The following MTA3 variants were observed in gnomAD, a reference collection of about 807,000 sequenced individuals.
The protein encoded by MTA3 is metastasis-associated protein MTA3.
In MTA3, 34 loss-of-function variants were observed where a neutral mutation model predicts 83.5. That is an observed-to-expected ratio of 0.41 (90% CI 0.31 to 0.54). The LOEUF is 0.54. MTA3 is among the 20% of genes least tolerant of loss of function. The pLI is 0.33. For missense variants in MTA3, 761 were observed against 726.4 expected, an observed-to-expected ratio of 1.05 and a Z score of -0.55; for synonymous variants, 303 against 252.7, an observed-to-expected ratio of 1.20 and a Z score of -1.89.
intron 9 of MTA3, among the ~76,000 whole-genome samples, chr2:42,686,835 A>G (rs990565067): frequency 1.3e-5 from 2 of 150,494 alleles, no homozygotes; most frequent in Admixed American, 1.3e-4. Context: ...TCAAAAAAAA[A>G]GGGCTGGGCA....
intron 8 of MTA3, among the ~76,000 whole-genome samples, chr2:42,663,190 C>T (rs1689893407): frequency 6.6e-6 from 1 of 151,950 alleles, no homozygotes; most frequent in African/African-American, 2.4e-5. Context: ...GGATGTGGTC[C>T]CTGCTTGAGT....
At chr2:42,509,876 A>G (rs750570719) in intron 2 of MTA3, among the ~76,000 whole-genome samples, 11 of 152,230 alleles carry the variant, frequency 7.2e-5, no homozygotes, top group Non-Finnish European at 1.3e-4. Flanking sequence ...ATTAATGTAT[A>G]CATTATATAG....
At chr2:42,709,729 T>C (rs1246158832) in intron 14 of MTA3, among the ~76,000 whole-genome samples, 2 of 152,222 alleles carry the variant, frequency 1.3e-5, no homozygotes, top group Non-Finnish European at 2.9e-5. Context: ...ACATTGCATT[T>C]TCATAAGCTA....
At chr2:42,563,940 C>T (rs1439497566), upstream of MTA3, among the ~76,000 whole-genome samples, 1 of 152,176 alleles carries the variant, frequency 6.6e-6, no homozygotes, top group African/African-American at 2.4e-5. Context: ...TCTCCCGCCT[C>T]AGCCTCCAGA....
At position 42,714,785 on chromosome 2, in the gene MTA3, A is replaced by T. The variant is rs531343614; in HGVS notation, c.1526-4203A>T. 3.9e-5 allele frequency among the ~76,000 whole-genome samples: 6 copies of T among 152,288 alleles called. No homozygotes were observed. The South Asian group carries it at 1.2e-3, about 32-fold the overall frequency. On this transcript the variant is annotated intron_variant, in intron 14 of 16. Coordinates refer to ENST00000405094, the MANE Select transcript of MTA3 (RefSeq NM_001330442.2). ...CCTCAGATCATCAGGCATTAGTTAG[A>T]GGCTCATAAGGAGCAGGCAATCTAG...
At chr2:42,736,114 G>T (rs1668592607) in intron 16 of MTA3, among the ~76,000 whole-genome samples, 1 of 152,166 alleles carries the variant, frequency 6.6e-6, no homozygotes, top group Non-Finnish European at 1.5e-5. Context: ...AGGGATTTGG[G>T]TGTTGTGATC....
chr2:42,515,664 G>A (rs1266237205), intron 2 of MTA3, among the ~76,000 whole-genome samples: 5 of 151,040 alleles, frequency 3.3e-5, no homozygotes, highest in Admixed American at 6.6e-5. Flanking sequence ...CACCTCGCTC[G>A]GCTAATTTTT....
intron 14 of MTA3, among the ~76,000 whole-genome samples, chr2:42,712,570 T>C (rs370639121): frequency 1.4e-4 from 21 of 152,206 alleles, no homozygotes; most frequent in African/African-American, 4.3e-4. Context: ...TATAAATCCA[T>C]GCCAAAAGTT....
At chr2:42,508,089 C>G (rs1003096053) in intron 2 of MTA3, among the ~76,000 whole-genome samples, 7 of 152,256 alleles carry the variant, frequency 4.6e-5, no homozygotes, top group Admixed American at 3.3e-4. Context: ...AGGCTGGGCA[C>G]CTGCTGTTCC....
intron 16 of MTA3, chr2:42,752,183 C>G: frequency 2.1e-6 from 1 of 471,244 alleles, no homozygotes; most frequent in Non-Finnish European, 4.4e-6. Flanking sequence ...CACATACTTG[C>G]TGAGCTCATA....
At chr2:42,639,615 T>C (rs981544862) in intron 4 of MTA3, among the ~76,000 whole-genome samples, 1 of 152,220 alleles carries the variant, frequency 6.6e-6, no homozygotes, top group African/African-American at 2.4e-5. Context: ...CCTTGCTCTA[T>C]AGAAGGCTCC....
chr2:42,547,451 G>C (rs541164014), intron 2 of MTA3, among the ~76,000 whole-genome samples: 3 of 152,208 alleles, frequency 2.0e-5, no homozygotes, highest in Non-Finnish European at 2.9e-5. Context: ...CCTCAGCCTC[G>C]TAAGTAGTAG....
intron 8 of MTA3, among the ~76,000 whole-genome samples, chr2:42,669,390 A>G (rs1690593269): frequency 6.6e-6 from 1 of 152,110 alleles, no homozygotes; most frequent in Non-Finnish European, 1.5e-5. Context: ...TGGCCAGAAA[A>G]TATTAATCTT....
intron 16 of MTA3, among the ~76,000 whole-genome samples, chr2:42,750,830 G>A (rs1669820139): frequency 6.6e-6 from 1 of 151,978 alleles, no homozygotes; most frequent in African/African-American, 2.4e-5. Flanking sequence ...CTGGTGGGAC[G>A]TAGACAGTTG....
chr2:42,719,178 A>C (rs1007719013), intron 15 of MTA3, 104 bp downstream of exon 15: 5 of 794,578 alleles, frequency 6.3e-6, no homozygotes, highest in Non-Finnish European at 1.0e-5. Context: ...AGGCCCTTCA[A>C]ATAGCCGAAA....
intron 14 of MTA3, chr2:42,709,350 G>A: frequency 7.9e-7 from 1 of 1,268,778 alleles, no homozygotes; most frequent in Non-Finnish European, 1.0e-6. Flanking sequence ...AAGATTGGTG[G>A]GAGGTGATCC....
intron 4 of MTA3, among the ~76,000 whole-genome samples, chr2:42,618,328 G>C (rs1359848616): frequency 6.6e-6 from 1 of 152,044 alleles, no homozygotes; most frequent in Non-Finnish European, 1.5e-5. Flanking sequence ...TTCTAACTTA[G>C]GGGAACATAT....
intron 16 of MTA3, among the ~76,000 whole-genome samples, chr2:42,723,755 T>C (rs1667604646): frequency 6.6e-6 from 1 of 152,218 alleles, no homozygotes; most frequent in Non-Finnish European, 1.5e-5. Context: ...TGTTGGCATT[T>C]ATTTATGAAT....
intron 12 of MTA3, among the ~76,000 whole-genome samples, chr2:42,706,057 A>G (rs1666051738): frequency 6.6e-6 from 1 of 152,180 alleles, no homozygotes; most frequent in Admixed American, 6.5e-5. Context: ...TTATATTTAG[A>G]ATTCAAAATA....
Sources: allele counts gnomAD v4.1 joint callset (sites outside exome capture counted in the v4.1 genomes callset), GRCh38; gene constraint gnomAD v4.1.1; transcripts MANE v1.5; gene names NCBI Gene and HGNC (gene_info 2026-07-23, HGNC 2026-07-21).